Variants in ADRA1B observed in about 807,000 individuals in gnomAD.
ADRA1B encodes the protein adrenoceptor alpha 1B, also known as alpha-1B adrenergic receptor.
A neutral mutation model predicts 17.9 loss-of-function variants in ADRA1B; 17 were observed. The ratio of observed to expected loss-of-function variants is 0.95; its 90% CI spans 0.65 to 1.42. ADRA1B has a LOEUF of 1.42. Among genes scored for constraint, ADRA1B ranks in the 40% most tolerant of loss-of-function variants. ADRA1B has a pLI of 0.00. For synonymous variants in ADRA1B, 366 were observed against 327.6 expected (o/e 1.12, Z -1.27); for missense variants, 681 against 722.1 (o/e 0.94, Z 0.65).
chr5:159,982,929 C>T, the ADRA1B span, among the ~76,000 whole-genome samples: 2 of 152,206 alleles, frequency 1.3e-5, no homozygotes, highest in Admixed American at 1.3e-4. Context: ...CAGTCCCTAT[C>T]CGAAGGCAGT....
At chr5:159,926,334 G>A (rs944262854) in intron 1 of ADRA1B, among the ~76,000 whole-genome samples, 1 of 151,952 alleles carries the variant, frequency 6.6e-6, no homozygotes, top group African/African-American at 2.4e-5. Flanking sequence ...TTTATCCCTG[G>A]TTTATGGTGC....
chr5:159,877,628 G>A (rs754759745), intron 1 of ADRA1B, among the ~76,000 whole-genome samples: 21 of 152,072 alleles, frequency 1.4e-4, no homozygotes, highest in African/African-American at 2.4e-5. Flanking sequence ...ACTATTTTAT[G>A]GACTCCCTAC....
At chr5:159,930,884 T>C (rs2113199428) in intron 1 of ADRA1B, among the ~76,000 whole-genome samples, 1 of 151,498 alleles carries the variant, frequency 6.6e-6, no homozygotes, top group Non-Finnish European at 1.5e-5. Context: ...AGAATTATGG[T>C]GGGGACTATT....
At chr5:159,975,082 C>T (rs190217718), downstream of ADRA1B, among the ~76,000 whole-genome samples, 147 of 152,282 alleles carry the variant, frequency 9.7e-4, no homozygotes, top group African/African-American at 3.3e-3. Flanking sequence ...AAAGAAAAGC[C>T]CCAACTCCAT....
intron 1 of ADRA1B, chr5:159,950,907 C>T (rs1755421851): frequency 7.1e-6 from 4 of 566,092 alleles, no homozygotes; most frequent in Admixed American, 4.5e-5. Context: ...GCCCCGCAGC[C>T]GTCGCACCAC....
At chr5:159,880,583 G>T (rs528278894) in intron 1 of ADRA1B, among the ~76,000 whole-genome samples, 1 of 152,192 alleles carries the variant, frequency 6.6e-6, no homozygotes, top group African/African-American at 2.4e-5. Context: ...TGGTCATTCA[G>T]CCCCGTGGTA....
intron 1 of ADRA1B, among the ~76,000 whole-genome samples, chr5:159,945,125 A>G (rs1055905498): frequency 2.6e-5 from 4 of 152,182 alleles, no homozygotes; most frequent in Non-Finnish European, 5.9e-5. Context: ...CACGCCTATA[A>G]TCCCTGCACT....
chr5:159,906,339 C>T (rs1278540244), intron 1 of ADRA1B, among the ~76,000 whole-genome samples: 1 of 152,176 alleles, frequency 6.6e-6, no homozygotes, highest in Non-Finnish European at 1.5e-5. Context: ...GACATTCAAC[C>T]AAGTTATGTG....
At chr5:159,949,207 C>T (rs1755357032) in intron 1 of ADRA1B, among the ~76,000 whole-genome samples, 1 of 152,208 alleles carries the variant, frequency 6.6e-6, no homozygotes, top group Non-Finnish European at 1.5e-5. Context: ...TGTATGAATG[C>T]CCATTCATTC....
At chr5:159,950,575 T>C (rs1755407838) in intron 1 of ADRA1B, 1 of 1,307,092 alleles carries the variant, frequency 7.7e-7, no homozygotes, top group Admixed American at 1.7e-5. Context: ...GGAAATGAGC[T>C]TGACAAAATG....
the ADRA1B span, among the ~76,000 whole-genome samples, chr5:159,984,084 T>C: frequency 6.6e-6 from 1 of 152,070 alleles, no homozygotes; most frequent in African/African-American, 2.4e-5. Context: ...TTCATACTGC[T>C]TCCAACCTCG....
the ADRA1B span, among the ~76,000 whole-genome samples, chr5:159,984,137 T>C: frequency 6.6e-6 from 1 of 152,044 alleles, no homozygotes; most frequent in Non-Finnish European, 1.5e-5. Flanking sequence ...CTCTTCCCAA[T>C]CTCTAAATGT....
At chr5:159,953,126 C>A (rs1755478637) in intron 1 of ADRA1B, among the ~76,000 whole-genome samples, 1 of 152,058 alleles carries the variant, frequency 6.6e-6, no homozygotes, top group South Asian at 2.1e-4. Flanking sequence ...TTTGGGAGGC[C>A]AAGGCAGGTG....
downstream of ADRA1B, among the ~76,000 whole-genome samples, chr5:159,974,584 C>G (rs890938142): frequency 6.7e-6 from 1 of 149,104 alleles, no homozygotes; most frequent in African/African-American, 2.5e-5. Flanking sequence ...TGCAGTGGGC[C>G]GAAATCACAC....
chr5:159,902,337 AGTT>A (rs1287595354), intron 1 of ADRA1B, among the ~76,000 whole-genome samples: 3 of 152,122 alleles, frequency 2.0e-5, no homozygotes, highest in Admixed American at 2.0e-4. Context: ...CGGAATGGGG[AGTT>A]GTTGTTCAAT....
At chr5:159,889,063 G>A (rs912614021) in intron 1 of ADRA1B, among the ~76,000 whole-genome samples, 15 of 152,144 alleles carry the variant, frequency 9.9e-5, no homozygotes, top group Admixed American at 2.0e-4. Flanking sequence ...AAGATCACAT[G>A]AGAAACAGTG....
chr5:159,877,407 C>T (rs1004268951), intron 1 of ADRA1B, among the ~76,000 whole-genome samples: 4 of 152,132 alleles, frequency 2.6e-5, no homozygotes, highest in African/African-American at 7.2e-5. Flanking sequence ...CTCTGGTTGC[C>T]GTGCACCCAA....
At chr5:159,881,807 T>C (rs1315989360) in intron 1 of ADRA1B, among the ~76,000 whole-genome samples, 1 of 152,180 alleles carries the variant, frequency 6.6e-6, no homozygotes, top group Non-Finnish European at 1.5e-5. Flanking sequence ...AGAAGTATAC[T>C]ATCCTAGGAT....
chr5:159,917,117 C>A lies in ADRA1B; in HGVS notation c.212C>A (p.Ala71Asp), dbSNP rs1201430421. The A allele has an allele frequency of 1.9e-6, 3 of 1,613,974 alleles. No homozygotes were observed. Among genetic ancestry groups the A allele is most frequent in the Non-Finnish European group, 2.5e-6 (3 of 1,179,990 alleles). ...AACATCCTAGTCATCTTGTCTGTGGCCTGCAACCGGCACCTGCGGACGCCC... is the reference window on the plus strand; with the variant it reads ...AACATCCTAGTCATCTTGTCTGTGGACTGCAACCGGCACCTGCGGACGCCC... ...VGNILVILSV[A>D]CNRHLRTPTN... Residue 71 changes from alanine (A) to aspartate (D), a missense_variant, in exon 1 of 2, where the codon GCC becomes GAC. This residue lies in a region of ADRA1B where 424 missense variants were observed against 480.2 expected (regional missense o/e 0.88). Transcript: ENST00000306675.
Sources: gnomAD v4.1 joint callset for allele counts (sites outside exome capture counted in the v4.1 genomes callset) on GRCh38, gnomAD v4.1.1 for gene constraint, gnomAD v4.1.1 regional missense constraint, MANE v1.5 for transcripts, NCBI Gene and HGNC (gene_info 2026-07-23, HGNC 2026-07-21) for gene names.